WDR20: variants seen among roughly 807,000 people sequenced by gnomAD.
WDR20 encodes WD repeat domain 20, also known as WD repeat-containing protein 20.
Under a neutral mutation model 38.7 loss-of-function variants are expected in WDR20, and 3 were observed. The observed-to-expected ratio is 0.08, with a 90% CI of 0.04 to 0.20. The LOEUF is 0.20. Ranked by LOEUF, WDR20 falls within the 10% of genes least tolerant of loss-of-function variation. WDR20 has a pLI of 1.00. For missense variants in WDR20, 559 were observed against 727.7 expected (o/e 0.77, Z 2.67); for synonymous variants, 298 against 285.6 (o/e 1.04, Z -0.44).
chr14:102,183,518 A>T (rs1450748941), intron 1 of WDR20, among the ~76,000 whole-genome samples: 2 of 152,254 alleles, frequency 1.3e-5, no homozygotes, highest in African/African-American at 4.8e-5. Context: ...AATTTTAGAC[A>T]TTACAGATTC....
At chr14:102,215,453 G>A (rs2063105144), downstream of WDR20, among the ~76,000 whole-genome samples, 1 of 152,160 alleles carries the variant, frequency 6.6e-6, no homozygotes, top group Non-Finnish European at 1.5e-5. Context: ...CTGGTAGGCT[G>A]CTTGCTTTTT....
intron 2 of WDR20, among the ~76,000 whole-genome samples, chr14:102,203,181 G>A (rs918746460): frequency 6.6e-6 from 1 of 152,120 alleles, no homozygotes; most frequent in Admixed American, 6.5e-5. Context: ...TGCCTCCACT[G>A]TCTGCAGCAG....
intron 1 of WDR20, among the ~76,000 whole-genome samples, chr14:102,170,305 A>G (rs1566896793): frequency 1.3e-5 from 2 of 152,236 alleles, no homozygotes; most frequent in Non-Finnish European, 2.9e-5. Flanking sequence ...TTGTACATAC[A>G]TCATTTTGCC....
intron 1 of WDR20, among the ~76,000 whole-genome samples, chr14:102,164,598 AC>A (rs144649499): frequency 0.015 from 2,285 of 152,336 alleles, 64 homozygotes; most frequent in African/African-American, 0.052. Context: ...TCCATTGGAC[AC>A]CGCTTGGCCC....
downstream of WDR20, chr14:102,213,017 C>T (rs74575915): frequency 2.0e-6 from 2 of 990,348 alleles, no homozygotes; most frequent in East Asian, 2.2e-4. Flanking sequence ...GAATCCCGCT[C>T]CCACCCGGCA....
intron 1 of WDR20, among the ~76,000 whole-genome samples, chr14:102,184,613 G>A (rs2064153158): frequency 6.6e-5 from 10 of 152,082 alleles, no homozygotes; most frequent in Admixed American, 6.6e-4. Context: ...CTGGCCCCTG[G>A]GAGAAGCCAT....
intron 2 of WDR20, among the ~76,000 whole-genome samples, chr14:102,200,465 TTTTGTGTG>T (rs1312727352): frequency 3.5e-3 from 347 of 98,684 alleles, no homozygotes; most frequent in African/African-American, 0.018. Flanking sequence ...AAATTTTTTT[TTTTGTGTG>T]TGTGTGTGTG....
rs185597842 is a variant in WDR20 at position 102,202,225 on chromosome 14, C to T, written c.433-6378C>T. ...CTCCATCCCTCTAGGGCTCAGCTTC[C>T]TCAAGTCTCAGAGGCCTGTCCTCTG... On this transcript the variant is annotated intron_variant, in intron 2 of 2. Transcript: ENST00000342702. Among the ~76,000 whole-genome samples, 898 of 152,068 alleles carry T rather than the reference C, an allele frequency of 5.9e-3. 37 individuals are homozygous for T. The highest frequency in any genetic ancestry group is 1.9e-3 in the East Asian group (10 of 5,152).
Position 102,200,465 on chromosome 14 carries a change from T to TGGGG in WDR20, c.432+5345_432+5346insGGGG, listed in dbSNP as rs1555400497. On this transcript the variant is annotated intron_variant, in intron 2 of 2. Coordinates refer to ENST00000342702, the MANE Select transcript of WDR20 (RefSeq NM_144574.4). ...AGGAGTTTACTTTTTAAATTTTTTT[T>TGGGG]TTTGTGTGTGTGTGTGTGTGTGTGT... 3.6e-3 allele frequency among the ~76,000 whole-genome samples: 354 copies of TGGGG among 98,680 alleles called. 2 individuals are homozygous for TGGGG. Among genetic ancestry groups the TGGGG allele is most frequent in the African/African-American group, 0.017 (326 of 18,870 alleles). The allele number at this position is 98,680 out of a possible 152,430, so 64.7% of individuals were successfully genotyped here.
rs1043134652 is a variant in WDR20, at chr14:102,140,039, C to G, written c.116C>G (p.Pro39Arg). Residue 39 changes from proline to arginine, a missense_variant, in exon 1 of 3, where the codon CCC (proline) becomes CGC (arginine). By Grantham distance (103) the Pro-to-Arg change is moderately radical. Transcript: ENST00000342702. ...GAGTACAGCCGGCCCAACCGGGTGC[C>G]CTTCAACTCGCAGGGATCCAACCCT... ...HSEYSRPNRV[P>R]FNSQGSNPVR... is the part of the protein sequence containing the mutation. The G allele has an allele frequency of 6.2e-7, 1 of 1,614,216 alleles. No individual in the cohort carries two copies. Among genetic ancestry groups the G allele is most frequent in the Non-Finnish European group, 8.5e-7 (1 of 1,180,040 alleles).
chr14:102,213,689 T>G, downstream of WDR20: 4 of 985,444 alleles, frequency 4.1e-6, no homozygotes, highest in Non-Finnish European at 4.8e-6. Context: ...GTTCCTCCAC[T>G]TCCTGGGGTT....
At chr14:102,158,428 G>A (rs2057936390) in intron 1 of WDR20, among the ~76,000 whole-genome samples, 1 of 152,068 alleles carries the variant, frequency 6.6e-6, no homozygotes, top group East Asian at 1.9e-4. Context: ...CTCCTGAGTA[G>A]CTGAGATTAC....
At chr14:102,217,392 C>T (rs996169631), downstream of WDR20, among the ~76,000 whole-genome samples, 3 of 152,186 alleles carry the variant, frequency 2.0e-5, no homozygotes, top group Non-Finnish European at 2.9e-5. Context: ...GGTCTTTCCC[C>T]GGAAGTCTGA....
downstream of WDR20, chr14:102,212,420 G>A (rs2062662317): frequency 2.3e-6 from 3 of 1,316,124 alleles, no homozygotes; most frequent in Middle Eastern, 2.3e-4. Context: ...TTGACTGCAT[G>A]TCCTGACCCC....
At chr14:102,200,489 G>T (rs867200371) in intron 2 of WDR20, among the ~76,000 whole-genome samples, 4 of 131,838 alleles carry the variant, frequency 3.0e-5, no homozygotes, top group Non-Finnish European at 4.8e-5. Context: ...GTGTGTGTGT[G>T]TGTGTGTGTG....
chr14:102,146,751 T>G (rs1566788214), intron 1 of WDR20, among the ~76,000 whole-genome samples: 2 of 152,178 alleles, frequency 1.3e-5, no homozygotes, highest in Non-Finnish European at 2.9e-5. Flanking sequence ...TTTTAGATAT[T>G]TTACTGCTTC....
intron 1 of WDR20, among the ~76,000 whole-genome samples, chr14:102,158,583 A>G (rs1035846607): frequency 6.6e-6 from 1 of 152,138 alleles, no homozygotes; most frequent in Admixed American, 6.5e-5. Flanking sequence ...GGCATTAGCC[A>G]CTGTGCCCAG....
chr14:102,210,238 G>T lies in WDR20; in HGVS notation c.*358G>T. 9.8e-7 allele frequency: 1 copy of T among 1,016,394 alleles called. No homozygotes were observed. Among genetic ancestry groups the T allele is most frequent in the Admixed American group, 5.2e-5 (1 of 19,204 alleles). 63.0% of individuals were successfully genotyped at this position (1,016,394 alleles called of 1,614,324 possible). ...GAAATTAAAATTTATGCTTTAACTG[G>T]AATATTTTTTGCTTAACTACTCAAT... is the stretch of plus-strand genomic sequence containing the variant. On this transcript the variant is annotated 3_prime_UTR_variant, in exon 3 of 3. Transcript: ENST00000342702.
downstream of WDR20, chr14:102,213,512 C>T (rs958494612): frequency 2.0e-6 from 2 of 985,288 alleles, no homozygotes; most frequent in Admixed American, 6.1e-5. Flanking sequence ...GGAGCTATCA[C>T]AATCATTCTT....
Sources: gnomAD v4.1 joint callset for allele counts (sites outside exome capture counted in the v4.1 genomes callset) on GRCh38, gnomAD v4.1.1 for gene constraint, MANE v1.5 for transcripts, NCBI Gene and HGNC (gene_info 2026-07-23, HGNC 2026-07-21) for gene names.